Variants in PTPRT observed in about 807,000 individuals in gnomAD.
PTPRT encodes receptor-type tyrosine-protein phosphatase T.
A neutral mutation model predicts 176.8 loss-of-function variants in PTPRT; 56 were observed. That is an observed-to-expected ratio of 0.32 (90% CI 0.26 to 0.40). The LOEUF (loss-of-function observed/expected upper bound fraction) is 0.40, where lower values mean the gene tolerates loss of function less well. PTPRT is among the 10% of genes least tolerant of loss of function. PTPRT has a pLI of 1.00. For missense variants in PTPRT, 1,540 were observed against 1,908.2 expected (o/e 0.81, Z 3.60); for synonymous variants, 783 against 739.0 (o/e 1.06, Z -0.96).
At chr20:43,088,819 G>A (rs1470337378) in intron 1 of PTPRT, among the ~76,000 whole-genome samples, 1 of 152,094 alleles carries the variant, frequency 6.6e-6, no homozygotes, top group Non-Finnish European at 1.5e-5. Flanking sequence ...GTCTCGAACT[G>A]TCATCATCCA....
chr20:42,254,536 T>C (rs2056604672), intron 13 of PTPRT, among the ~76,000 whole-genome samples: 2 of 152,202 alleles, frequency 1.3e-5, no homozygotes, highest in African/African-American at 4.8e-5. Context: ...ATTTTTTGCC[T>C]TTAGATAGAT....
chr20:42,253,387 A>T (rs888390479), intron 13 of PTPRT, among the ~76,000 whole-genome samples: 1 of 152,132 alleles, frequency 6.6e-6, no homozygotes, highest in Non-Finnish European at 1.5e-5. Context: ...ATCCCACTGG[A>T]AGCCCTTCAG....
At chr20:42,128,727 A>T in intron 19 of PTPRT, 27 bp downstream of exon 19, 2 of 1,544,968 alleles carry the variant, frequency 1.3e-6, no homozygotes, top group South Asian at 1.2e-5. Context: ...AGCCAGCCCC[A>T]GCCCCCAGCC....
intron 1 of PTPRT, among the ~76,000 whole-genome samples, chr20:43,007,646 C>A (rs1043942058): frequency 1.3e-5 from 2 of 152,184 alleles, no homozygotes; most frequent in African/African-American, 4.8e-5. Context: ...AACCCACCAC[C>A]CAAAGCTTTT....
chr20:42,800,690 T>C (rs917008815), intron 2 of PTPRT, among the ~76,000 whole-genome samples: 1 of 152,184 alleles, frequency 6.6e-6, no homozygotes, highest in African/African-American at 2.4e-5. Flanking sequence ...CCATGCTCCA[T>C]AGAAAATACT....
In PTPRT at chr20:43,106,821, G is replaced by A. The variant is rs186403283; in HGVS notation, c.88+82825C>T. 4.1e-3 allele frequency among the ~76,000 whole-genome samples: 626 copies of A among 151,734 alleles called. 6 individuals carry two copies. Among genetic ancestry groups the A allele is most frequent in the African/African-American group, 0.014 (585 of 41,384 alleles). The stretch of plus-strand genomic sequence containing the variant: ...TTCTTTTTTTTTGAAACGGAGTTTC[G>A]CTCTTGTTGCCTAGGCTAGAGTGCA... On this transcript the variant is annotated intron_variant, in intron 1 of 30. Transcript: ENST00000373187.
At chr20:42,670,806 G>A (rs549377274) in intron 7 of PTPRT, among the ~76,000 whole-genome samples, 4 of 152,094 alleles carry the variant, frequency 2.6e-5, no homozygotes, top group African/African-American at 7.2e-5. Flanking sequence ...AACTATAATC[G>A]GAGTGGCCTG....
intron 1 of PTPRT, among the ~76,000 whole-genome samples, chr20:43,117,739 C>T (rs765920706): frequency 1.3e-5 from 2 of 152,192 alleles, no homozygotes; most frequent in Non-Finnish European, 2.9e-5. Flanking sequence ...ACTTCCAAAA[C>T]ATTCCCAGTG....
At chr20:42,564,649 C>T (rs13039643) in intron 7 of PTPRT, among the ~76,000 whole-genome samples, 40,843 of 151,958 alleles carry the variant, frequency 0.27, 6,558 homozygotes, top group African/African-American at 0.45. Flanking sequence ...ATGAAGGGCT[C>T]AAAACCTAGA....
intron 7 of PTPRT, among the ~76,000 whole-genome samples, chr20:42,523,379 G>C (rs2072211781): frequency 6.6e-6 from 1 of 152,086 alleles, no homozygotes; most frequent in East Asian, 1.9e-4. Context: ...TTCTTTTAAA[G>C]TCCAGAAATT....
chr20:42,922,492 G>T (rs1306057608), intron 1 of PTPRT, among the ~76,000 whole-genome samples: 1 of 152,176 alleles, frequency 6.6e-6, no homozygotes, highest in Non-Finnish European at 1.5e-5. Context: ...ATGTCCAGTA[G>T]ACATCTCAAG....
intron 1 of PTPRT, among the ~76,000 whole-genome samples, chr20:43,059,928 G>C (rs1391387242): frequency 6.6e-6 from 1 of 152,026 alleles, no homozygotes; most frequent in East Asian, 1.9e-4. Context: ...GCAGTGAGCT[G>C]AGATTGTGCC....
At chr20:42,526,129 A>G (rs888885327) in intron 7 of PTPRT, among the ~76,000 whole-genome samples, 1 of 152,098 alleles carries the variant, frequency 6.6e-6, no homozygotes, top group Non-Finnish European at 1.5e-5. Flanking sequence ...TGAATATTCT[A>G]AAGAGTGTTT....
rs140138345 is a variant in PTPRT, at chr20:43,176,704, T to G, written c.88+12942A>C. The stretch of plus-strand genomic sequence containing the variant: ...TGATGTATCCATTAAATTACCCCTG[T>G]TTTCTTTCCACAGAAGAACATGTGG... On this transcript the variant is annotated intron_variant, in intron 1 of 30. Transcript: ENST00000373187. Among the ~76,000 whole-genome samples, 733 of 152,340 alleles carry G rather than the reference T, an allele frequency of 4.8e-3. 5 individuals are homozygous for G. The highest frequency in any genetic ancestry group is 0.017 in the African/African-American group (687 of 41,578).
At chr20:42,201,730 C>CAAAAAAA (rs57007206) in intron 15 of PTPRT, among the ~76,000 whole-genome samples, 1 of 74,056 alleles carries the variant, frequency 1.4e-5, no homozygotes, top group Non-Finnish European at 2.5e-5. Flanking sequence ...GAACCAGAGG[C>CAAAAAAA]AAAAAAAAAA....
intron 1 of PTPRT, among the ~76,000 whole-genome samples, chr20:43,180,310 G>T (rs1034079568): frequency 5.0e-5 from 7 of 138,616 alleles, no homozygotes; most frequent in Non-Finnish European, 7.6e-5. Context: ...CTCTAAACCT[G>T]CATGAGCCAA....
At chr20:42,650,000 C>A (rs930756723) in intron 7 of PTPRT, among the ~76,000 whole-genome samples, 1 of 152,304 alleles carries the variant, frequency 6.6e-6, no homozygotes, top group Admixed American at 6.5e-5. Context: ...CCACCCTCCA[C>A]CACTCTGCTT....
At chr20:43,070,738 C>T (rs549433169) in intron 1 of PTPRT, among the ~76,000 whole-genome samples, 22 of 152,090 alleles carry the variant, frequency 1.4e-4, no homozygotes, top group African/African-American at 5.1e-4. Context: ...AAAAACCAAA[C>T]ACTGCATGTT....
intron 7 of PTPRT, among the ~76,000 whole-genome samples, chr20:42,581,477 G>A (rs1024384435): frequency 1.3e-5 from 2 of 151,462 alleles, no homozygotes; most frequent in African/African-American, 4.9e-5. Flanking sequence ...ACACATGGCA[G>A]GTGCTCAATG....
Sources: gnomAD v4.1 joint callset for allele counts (sites outside exome capture counted in the v4.1 genomes callset) on GRCh38, gnomAD v4.1.1 for gene constraint, MANE v1.5 for transcripts, NCBI Gene and HGNC (gene_info 2026-07-23, HGNC 2026-07-21) for gene names.